ACP7: variants seen among roughly 807,000 people sequenced by gnomAD.
The protein encoded by ACP7 is acid phosphatase type 7.
ACP7 carries 58 observed loss-of-function variants against 60.6 expected under a neutral mutation model. The ratio of observed to expected loss-of-function variants is 0.96; its 90% CI spans 0.77 to 1.19. The LOEUF is 1.19. Among genes scored for constraint, ACP7 ranks in the 50% most tolerant of loss-of-function variants. The pLI is 0.00. For synonymous variants in ACP7, 237 were observed against 232.6 expected (o/e 1.02, Z -0.17); for missense variants, 574 against 596.2 (o/e 0.96, Z 0.39).
chr19:39,087,271 C>CA (rs2073153563), intron 2 of ACP7, among the ~76,000 whole-genome samples: 1 of 152,004 alleles, frequency 6.6e-6, no homozygotes, highest in African/African-American at 2.4e-5. Context: ...CTCGGCCTCC[C>CA]AAAGTGCTGG....
chr19:39,097,201 T>C (rs950781553), intron 2 of ACP7, among the ~76,000 whole-genome samples: 3 of 152,096 alleles, frequency 2.0e-5, no homozygotes, highest in Admixed American at 2.0e-4. Context: ...ACTTATTCAC[T>C]ACCATGAGAA....
intron 1 of ACP7, 28 bp downstream of exon 1, chr19:39,084,428 C>T (rs1452038332): frequency 1.3e-5 from 2 of 152,182 alleles, no homozygotes; most frequent in African/African-American, 2.4e-5. Flanking sequence ...AGGGCGTCCC[C>T]TTTCCCGGAT....
At chr19:39,096,478 A>G (rs143139295) in intron 2 of ACP7, among the ~76,000 whole-genome samples, 194 of 152,306 alleles carry the variant, frequency 1.3e-3, no homozygotes, top group African/African-American at 4.3e-3. Flanking sequence ...CCATATCATT[A>G]TCAGTATTTT....
At chr19:39,091,273 CT>C in intron 2 of ACP7, among the ~76,000 whole-genome samples, 1 of 152,100 alleles carries the variant, frequency 6.6e-6, no homozygotes, top group Non-Finnish European at 1.5e-5. Flanking sequence ...AGCGATTCTC[CT>C]GCCTCAGCCT....
At position 39,101,556 on chromosome 19, in the gene ACP7, G is replaced by A. The variant is rs2145019255; in HGVS notation, c.1113+19G>A. 2 of 1,610,250 alleles carry A rather than the reference G, an allele frequency of 1.2e-6. No homozygotes were observed. The highest frequency in any genetic ancestry group is 1.7e-6 in the Non-Finnish European group (2 of 1,177,782). On this transcript the variant is annotated intron_variant, in intron 11 of 12. Transcript: ENST00000331256. ...ATCTGCTGTGAGCAGGGGGAAGGGT[G>A]GCTTTGCCTTCTCTCTCTATTCCTA...
intron 11 of ACP7, among the ~76,000 whole-genome samples, chr19:39,106,675 C>G (rs1361331572): frequency 6.6e-6 from 1 of 152,124 alleles, no homozygotes; most frequent in Non-Finnish European, 1.5e-5. Context: ...AGGTGCCCAC[C>G]ACCACACCAG....
In ACP7 at chr19:39,103,441, G is replaced by GTTTTTTTTTTTT. The variant is rs58293250; in HGVS notation, c.1113+1918_1113+1929dup. On this transcript the variant is annotated intron_variant, in intron 11 of 12. Transcript: ENST00000331256. ...TCAAAACATTCCAGGATCATCATGT[G>GTTTTTTTTTTTT]TTTTTTTTTTTTTTTTTTTTTTTTT... 9.3e-5 allele frequency among the ~76,000 whole-genome samples: 6 copies of GTTTTTTTTTTTT among 64,712 alleles called. 1 individual carries two copies. The highest frequency in any genetic ancestry group is 3.4e-4 in the African/African-American group (5 of 14,852). 42.5% of individuals were successfully genotyped at this position (64,712 alleles called of 152,430 possible). A position where few individuals can be genotyped will look rare whatever the true frequency, so the allele number is the denominator to read the frequency against.
chr19:39,093,366 T>A (rs987440282), intron 2 of ACP7, among the ~76,000 whole-genome samples: 1 of 151,788 alleles, frequency 6.6e-6, no homozygotes, highest in Non-Finnish European at 1.5e-5. Context: ...GTGATTCTCC[T>A]GCCTCAGCCT....
intron 11 of ACP7, among the ~76,000 whole-genome samples, chr19:39,104,226 T>C (rs937350125): frequency 6.6e-5 from 10 of 152,060 alleles, no homozygotes; most frequent in African/African-American, 2.4e-4. Flanking sequence ...GGTTGTTGAC[T>C]CTTTTTAGGC....
At chr19:39,106,201 A>G (rs2145039686) in intron 11 of ACP7, among the ~76,000 whole-genome samples, 1 of 152,270 alleles carries the variant, frequency 6.6e-6, no homozygotes, top group African/African-American at 2.4e-5. Flanking sequence ...TTGTTTTAAA[A>G]AGCTTTCTTG....
chr19:39,104,298 A>G (rs1262005745), intron 11 of ACP7, among the ~76,000 whole-genome samples: 1 of 151,930 alleles, frequency 6.6e-6, no homozygotes, highest in East Asian at 1.9e-4. Flanking sequence ...ATGTTACTGT[A>G]TTGCTTACTT....
Position 39,100,765 on chromosome 19 carries a change from T to A in ACP7, c.719T>A (p.Ile240Asn), listed in dbSNP as rs766945709. The A allele has an allele frequency of 1.5e-5, 25 of 1,613,828 alleles. No homozygotes were observed. The East Asian group carries it at 5.1e-4, about 33-fold the overall frequency. The stretch of plus-strand genomic sequence containing the variant: ...TGGGATCTGGGTCCCGCCCACATCA[T>A]CTCCTTCTCCACCGAGGTCTATTTC... ...YSWDLGPAHI[I>N]SFSTEVYFFL... Residue 240 changes from isoleucine to asparagine, a missense_variant, in exon 7 of 13, where the codon ATC (isoleucine) becomes AAC (asparagine). Coordinates refer to ENST00000331256, the MANE Select transcript of ACP7 (RefSeq NM_001004318.3).
chr19:39,102,217 G>T (rs954884750), intron 11 of ACP7, among the ~76,000 whole-genome samples: 1 of 151,584 alleles, frequency 6.6e-6, no homozygotes, highest in Non-Finnish European at 1.5e-5. Context: ...ACTTTGGGAG[G>T]TTGAGGCAGG....
chr19:39,090,359 G>T (rs1163398004), intron 2 of ACP7, among the ~76,000 whole-genome samples: 1 of 152,002 alleles, frequency 6.6e-6, no homozygotes, highest in Non-Finnish European at 1.5e-5. Flanking sequence ...AGTAGAGACG[G>T]GGTTTCACTG....
chr19:39,106,135 T>G (rs1369952316), intron 11 of ACP7, among the ~76,000 whole-genome samples: 2 of 152,170 alleles, frequency 1.3e-5, no homozygotes, highest in African/African-American at 2.4e-5. Flanking sequence ...TCCTCTCTGC[T>G]CCTCATGCCT....
intron 4 of ACP7, 143 bp downstream of exon 4, chr19:39,099,285 G>A: frequency 1.0e-6 from 1 of 1,002,912 alleles, no homozygotes; most frequent in South Asian, 2.9e-5. Context: ...TGTCTCTGAA[G>A]GGACAGGGGA....
chr19:39,106,280 TCA>T (rs1263505311), intron 11 of ACP7, among the ~76,000 whole-genome samples: 1 of 152,216 alleles, frequency 6.6e-6, no homozygotes, highest in African/African-American at 2.4e-5. Flanking sequence ...TTTTTCTCCT[TCA>T]CACACATCTT....
At chr19:39,102,463 G>A (rs1402965223) in intron 11 of ACP7, among the ~76,000 whole-genome samples, 3 of 150,132 alleles carry the variant, frequency 2.0e-5, no homozygotes, top group Admixed American at 6.7e-5. Context: ...TGCAACCTCC[G>A]CCTCCTGGTT....
At chr19:39,084,006 G>A (rs1335653547), upstream of ACP7, 7 of 152,294 alleles carry the variant, frequency 4.6e-5, no homozygotes, top group Non-Finnish European at 1.0e-4. Flanking sequence ...GGATCGGGCA[G>A]GGCCAGGATA....
Sources: gnomAD v4.1 joint callset for allele counts (sites outside exome capture counted in the v4.1 genomes callset) on GRCh38, gnomAD v4.1.1 for gene constraint, MANE v1.5 for transcripts, NCBI Gene and HGNC (gene_info 2026-07-23, HGNC 2026-07-21) for gene names.